Variants in SRGAP2 observed in about 807,000 individuals in gnomAD.
SRGAP2 encodes the protein SLIT-ROBO Rho GTPase-activating protein 2.
In SRGAP2, 15 loss-of-function variants were observed where a neutral mutation model predicts 57.2. The observed-to-expected ratio is 0.26, with a 90% confidence interval of 0.18 to 0.40. The LOEUF (loss-of-function observed/expected upper bound fraction) is 0.40. Ranked by LOEUF, SRGAP2 falls within the 10% of genes least tolerant of loss-of-function variation. The pLI, the probability that SRGAP2 is intolerant of heterozygous loss-of-function variation, is 1.00. For synonymous variants in SRGAP2, 249 were observed against 248.0 expected, an observed-to-expected ratio of 1.00 and a Z score of -0.04; for missense variants, 520 against 669.6, an observed-to-expected ratio of 0.78 and a Z score of 2.47.
intron 18 of SRGAP2, among the ~76,000 whole-genome samples, chr1:206,449,309 T>TA (rs1663051028): frequency 6.7e-6 from 1 of 149,320 alleles, no homozygotes; most frequent in Non-Finnish European, 1.5e-5. Flanking sequence ...TTTTTTTTTT[T>TA]TAGACAGGAT....
chr1:206,325,675 G>A (rs1553329673), intron 3 of SRGAP2, among the ~76,000 whole-genome samples: 1 of 151,364 alleles, frequency 6.6e-6, no homozygotes, highest in African/African-American at 2.4e-5. Flanking sequence ...TTCTACTGTT[G>A]CCTACTTAAT....
chr1:206,436,118 C>A (rs566419793), intron 14 of SRGAP2, among the ~76,000 whole-genome samples: 2 of 151,942 alleles, frequency 1.3e-5, no homozygotes, highest in African/African-American at 4.8e-5. Context: ...CATCAGCTAT[C>A]ATTAGAATAT....
At chr1:206,438,410 A>G (rs1661968866) in intron 16 of SRGAP2, among the ~76,000 whole-genome samples, 1 of 151,740 alleles carries the variant, frequency 6.6e-6, no homozygotes. Flanking sequence ...AAGCTTATAC[A>G]TTAGTGCTTG....
intron 21 of SRGAP2, among the ~76,000 whole-genome samples, chr1:206,456,951 G>A (rs1553378693): frequency 6.6e-6 from 1 of 152,176 alleles, no homozygotes; most frequent in Non-Finnish European, 1.5e-5. Context: ...CTTTGGGGAA[G>A]CCATTCTGAC....
In SRGAP2 at chr1:206,446,021, T is replaced by C. The variant is rs1275318245; in HGVS notation, c.1875-54T>C. On this transcript the variant is annotated intron_variant, in intron 17 of 22. Transcript: ENST00000573034. ...GGCAGCGCCTCCTGTGATTGTGTTT[T>C]CTGGGCATTCATGCGAGAGCTTTCC... The C allele has an allele frequency of 1.6e-5, 12 of 768,252 alleles. No individual in the cohort carries two copies. In the Admixed American group the frequency reaches 1.9e-4, roughly 12 times the overall value. The allele number at this position is 768,252 out of a possible 1,614,324, so 47.6% of individuals were successfully genotyped here. A position where few individuals can be genotyped will look rare whatever the true frequency, so the allele number is the denominator to read the frequency against.
intron 4 of SRGAP2, among the ~76,000 whole-genome samples, chr1:206,364,293 G>A (rs1419966276): frequency 1.4e-5 from 2 of 145,948 alleles, no homozygotes; most frequent in Non-Finnish European, 3.0e-5. Context: ...CCTCTGGGTT[G>A]CTCTTCTTTT....
At chr1:206,391,220 C>T (rs1156343685) in intron 5 of SRGAP2, among the ~76,000 whole-genome samples, 1 of 144,222 alleles carries the variant, frequency 6.9e-6, no homozygotes, top group Non-Finnish European at 1.5e-5. Flanking sequence ...TGAGACACTT[C>T]TCTAACTCAG....
At chr1:206,216,626 A>G (rs1174154180) in intron 2 of SRGAP2, among the ~76,000 whole-genome samples, 1 of 151,946 alleles carries the variant, frequency 6.6e-6, no homozygotes, top group Non-Finnish European at 1.5e-5. Flanking sequence ...ATGATTTTTC[A>G]AGTCATTTGG....
intron 2 of SRGAP2, among the ~76,000 whole-genome samples, chr1:206,289,590 T>A (rs1191122515): frequency 3.3e-5 from 5 of 151,194 alleles, no homozygotes; most frequent in African/African-American, 1.2e-4. Flanking sequence ...CTGTTTTTTT[T>A]TTTTGGTGTT....
At chr1:206,438,569 A>G (rs1466904488) in intron 16 of SRGAP2, among the ~76,000 whole-genome samples, 1 of 152,188 alleles carries the variant, frequency 6.6e-6, no homozygotes, top group Non-Finnish European at 1.5e-5. Context: ...GTAATAGGAT[A>G]TTTTCCCAAA....
In SRGAP2 at chr1:206,225,736, C is replaced by T. The variant is rs1215837846; in HGVS notation, c.67+19699C>T. 4.0e-4 allele frequency among the ~76,000 whole-genome samples: 61 copies of T among 152,072 alleles called. 1 individual carries two copies. The highest frequency in any genetic ancestry group is 1.5e-5 in the Non-Finnish European group (1 of 68,028). The stretch of plus-strand genomic sequence containing the variant: ...ACCTTTCACTTTCAGAAATATTCTC[C>T]CTTGAAGGGGCTTCGTGTTTGTTTG... On this transcript the variant is annotated intron_variant, in intron 2 of 22. Transcript: ENST00000573034.
chr1:206,436,952 T>G lies in SRGAP2; in HGVS notation c.1556-13T>G, dbSNP rs371247630. 1.4e-5 allele frequency: 11 copies of G among 780,768 alleles called. 1 individual carries two copies. The African/African-American group carries it at 1.7e-4, about 12-fold the overall frequency. 48.4% of individuals were successfully genotyped at this position (780,768 alleles called of 1,614,324 possible). On this transcript the variant is annotated splice_polypyrimidine_tract_variant and intron_variant, in intron 14 of 22. Coordinates refer to ENST00000573034, the MANE Select transcript of SRGAP2 (RefSeq NM_015326.5). ...TTTTTCTTCTTCTTGATCACTTTTCTGTGTATTTCCAGGACTACAGCATGA... is the reference window on the plus strand; with the variant it reads ...TTTTTCTTCTTCTTGATCACTTTTCGGTGTATTTCCAGGACTACAGCATGA...
At chr1:206,410,751 T>C (rs989233811) in intron 10 of SRGAP2, among the ~76,000 whole-genome samples, 2 of 152,256 alleles carry the variant, frequency 1.3e-5, no homozygotes, top group African/African-American at 4.8e-5. Flanking sequence ...AGAATTCCAC[T>C]GTATGAATGT....
At chr1:206,327,438 G>A (rs1189919627) in intron 3 of SRGAP2, among the ~76,000 whole-genome samples, 1 of 147,972 alleles carries the variant, frequency 6.8e-6, no homozygotes, top group Non-Finnish European at 1.5e-5. Flanking sequence ...TTTCAGACAT[G>A]ATTCTAGTCA....
At chr1:206,389,086 C>T (rs547410374) in intron 5 of SRGAP2, among the ~76,000 whole-genome samples, 12 of 151,902 alleles carry the variant, frequency 7.9e-5, no homozygotes, top group African/African-American at 2.9e-4. Context: ...CATGGACCCT[C>T]TCTAACAGAA....
At chr1:206,438,143 C>A (rs368012284) in intron 16 of SRGAP2, 45 bp downstream of exon 16, 2 of 774,044 alleles carry the variant, frequency 2.6e-6, no homozygotes, top group South Asian at 2.7e-5. Context: ...GCTACAGCAC[C>A]GGTAGCAAGA....
Position 206,453,245 on chromosome 1 carries a change from G to A in SRGAP2, c.2225G>A (p.Arg742Gln), listed in dbSNP as rs373240789. Residue 742 changes from arginine (R) to glutamine (Q), a missense_variant, in exon 20 of 23, where the codon CGG becomes CAG. Around this residue, in one of 5 missense-constraint regions of SRGAP2, gnomAD observed 478 missense variants for 373.6 expected, o/e 1.28. Transcript: ENST00000573034. ...EAIAKFDYVG[R>Q]TARELSFKKG... ...ATTGCCAAGTTTGACTACGTGGGCC[G>A]GACAGCCCGAGAGCTATCCTTTAAG... 15 of 666,084 alleles carry A rather than the reference G, an allele frequency of 2.3e-5. No individual in the cohort carries two copies. Among genetic ancestry groups the A allele is most frequent in the Non-Finnish European group, 3.4e-5 (12 of 355,608 alleles). 41.3% of individuals were successfully genotyped at this position (666,084 alleles called of 1,614,324 possible).
At chr1:206,247,044 G>C (rs1207595924) in intron 2 of SRGAP2, among the ~76,000 whole-genome samples, 4 of 141,276 alleles carry the variant, frequency 2.8e-5, no homozygotes, top group African/African-American at 1.0e-4. Flanking sequence ...AGGGAGGAGG[G>C]CTTTATTGCT....
At chr1:206,314,177 C>T (rs1433062267) in intron 3 of SRGAP2, among the ~76,000 whole-genome samples, 11 of 150,744 alleles carry the variant, frequency 7.3e-5, no homozygotes, top group Admixed American at 7.3e-4. Context: ...TCTTGTTGCC[C>T]AGGCTGGAGT....
Sources: gnomAD v4.1 joint callset for allele counts (sites outside exome capture counted in the v4.1 genomes callset) on GRCh38, gnomAD v4.1.1 for gene constraint, gnomAD v4.1.1 regional missense constraint, MANE v1.5 for transcripts, NCBI Gene and HGNC (gene_info 2026-07-23, HGNC 2026-07-21) for gene names.